ANKRD36C: variants seen among roughly 807,000 people sequenced by gnomAD.
The protein encoded by ANKRD36C is ankyrin repeat domain 36C, also known as ankyrin repeat domain-containing protein 36C.
ANKRD36C carries 61 observed loss-of-function variants against 276.4 expected under a neutral mutation model. The ratio of observed to expected loss-of-function variants is 0.22; its 90% CI spans 0.18 to 0.27. The LOEUF is 0.27. ANKRD36C is among the 10% of genes least tolerant of loss of function. The probability of loss-of-function intolerance (pLI) is 1.00; values close to 1 mark genes in which losing one functional copy is unlikely to be tolerated. For missense variants in ANKRD36C, 1,447 were observed against 2,032.3 expected (o/e 0.71, Z 5.54); for synonymous variants, 483 against 680.1 (o/e 0.71, Z 4.51).
intron 5 of ANKRD36C, among the ~76,000 whole-genome samples, chr2:95,979,918 C>T (rs1678882768): frequency 6.6e-6 from 1 of 151,908 alleles, no homozygotes; most frequent in African/African-American, 2.4e-5. Flanking sequence ...ATCCAGGTAA[C>T]AGAGCAAGGT....
intron 30 of ANKRD36C, 120 bp downstream of exon 30, chr2:95,925,232 A>G (rs955785904): frequency 8.8e-6 from 13 of 1,478,326 alleles, no homozygotes; most frequent in South Asian, 2.6e-5. Context: ...GAAATGCACA[A>G]TCTCAGGCCT....
At chr2:95,961,031 C>G (rs946718287) in intron 8 of ANKRD36C, among the ~76,000 whole-genome samples, 3 of 152,004 alleles carry the variant, frequency 2.0e-5, no homozygotes, top group Admixed American at 2.0e-4. Flanking sequence ...GATTAATGCT[C>G]CTGCATGTTT....
chr2:95,902,198 A>T (rs1465425421), intron 42 of ANKRD36C, among the ~76,000 whole-genome samples: 4 of 149,654 alleles, frequency 2.7e-5, no homozygotes, highest in Non-Finnish European at 6.0e-5. Flanking sequence ...TCAACAAAAC[A>T]TGTATCTCTG....
At chr2:95,987,322 C>T (rs1213842194) in intron 1 of ANKRD36C, 116 bp from the exon 2 acceptor site, 8 of 1,449,580 alleles carry the variant, frequency 5.5e-6, no homozygotes, top group East Asian at 5.0e-5. Context: ...CATTTGTTAG[C>T]GCTTATTACC....
intron 52 of ANKRD36C, among the ~76,000 whole-genome samples, chr2:95,885,149 C>G (rs1381852838): frequency 6.6e-6 from 1 of 151,832 alleles, no homozygotes. Flanking sequence ...ACAAATCACT[C>G]CAATATTCAT....
At chr2:95,923,862 A>C (rs1234323145) in intron 30 of ANKRD36C, among the ~76,000 whole-genome samples, 173 bp from the exon 31 acceptor site, 1 of 151,654 alleles carries the variant, frequency 6.6e-6, no homozygotes, top group Non-Finnish European at 1.5e-5. Flanking sequence ...AAAGAAATAC[A>C]GGTTTCACAA....
At chr2:95,889,500 A>G (rs1171621835) in intron 48 of ANKRD36C, among the ~76,000 whole-genome samples, 2 of 151,594 alleles carry the variant, frequency 1.3e-5, no homozygotes, top group South Asian at 2.1e-4. Context: ...CCTCTTGATG[A>G]AAACATGCTG....
At chr2:95,963,739 G>T (rs1248534176) in intron 6 of ANKRD36C, among the ~76,000 whole-genome samples, 1 of 107,720 alleles carries the variant, frequency 9.3e-6, no homozygotes, top group African/African-American at 3.7e-5. Context: ...CATTTTCTTT[G>T]TACTCATGAA....
At chr2:95,923,635 C>G (rs1324172563) in intron 31 of ANKRD36C, 26 bp downstream of exon 31, 8 of 1,609,370 alleles carry the variant, frequency 5.0e-6, no homozygotes. Context: ...GTTACTAATA[C>G]AAAATATAAA....
At chr2:95,883,279 T>C (rs894290705) in intron 54 of ANKRD36C, among the ~76,000 whole-genome samples, 4 of 152,140 alleles carry the variant, frequency 2.6e-5, no homozygotes, top group Non-Finnish European at 1.5e-5. Flanking sequence ...ATTTGGAAAT[T>C]ACTCCAATAT....
intron 19 of ANKRD36C, among the ~76,000 whole-genome samples, chr2:95,943,383 G>A (rs1677948992): frequency 6.6e-6 from 1 of 151,296 alleles, no homozygotes. Flanking sequence ...TACTCGCGAG[G>A]CTGAGGCAGG....
intron 34 of ANKRD36C, 103 bp downstream of exon 36, chr2:95,919,630 G>C: frequency 1.6e-6 from 1 of 606,966 alleles, no homozygotes; most frequent in Non-Finnish European, 2.0e-6. Context: ...AGAATGTGCA[G>C]CTTCGGCGAC....
chr2:95,982,671 T>C (rs1163552917), intron 3 of ANKRD36C, among the ~76,000 whole-genome samples: 1 of 98,116 alleles, frequency 1.0e-5, no homozygotes, highest in Non-Finnish European at 2.0e-5. Context: ...GTTTCCCACC[T>C]GAACCAAGAG....
intron 60 of ANKRD36C, 66 bp downstream of exon 80, chr2:95,867,374 T>C: frequency 1.6e-6 from 1 of 610,816 alleles, no homozygotes. Context: ...GGTACAGTGT[T>C]AAGCAATGTG....
intron 50 of ANKRD36C, among the ~76,000 whole-genome samples, chr2:95,887,480 A>AGG (rs1676226428): frequency 1.3e-5 from 2 of 151,418 alleles, no homozygotes; most frequent in Admixed American, 6.6e-5. Flanking sequence ...CCTTGGGAAA[A>AGG]ATCATTGCTA....
chr2:95,939,943 G>T (rs1311189453), intron 20 of ANKRD36C, among the ~76,000 whole-genome samples: 1 of 152,166 alleles, frequency 6.6e-6, no homozygotes, highest in African/African-American at 2.4e-5. Flanking sequence ...TAACTAATGA[G>T]TACTCAGATT....
intron 42 of ANKRD36C, among the ~76,000 whole-genome samples, chr2:95,902,075 G>A (rs1329887449): frequency 2.7e-5 from 4 of 148,342 alleles, no homozygotes; most frequent in Middle Eastern, 3.4e-3. Flanking sequence ...TGGGAGTATC[G>A]TGTTATTCTC....
At chr2:95,852,505 C>T (rs1675318407) in intron 64 of ANKRD36C, 1 of 264,792 alleles carries the variant, frequency 3.8e-6, no homozygotes, top group African/African-American at 2.3e-5. Context: ...TGGCCCTTTA[C>T]AGAAAAGTTC....
rs570551707 is a variant in ANKRD36C at position 95,886,620 on chromosome 2, T to C, written c.3062-376A>G. On this transcript the variant is annotated intron_variant, in intron 50 of 66. Coordinates refer to ENST00000456556, the Ensembl canonical transcript of ANKRD36C. ...GGTACATGCACCCGCATGACTTTCA[T>C]GCAAGATATCCGAATGATTAAACCA... Among the ~76,000 whole-genome samples the C allele has an allele frequency of 4.0e-5, 6 of 151,868 alleles. No homozygotes were observed. The South Asian group carries it at 1.2e-3, about 31-fold the overall frequency.
Sources: gnomAD v4.1 joint callset for allele counts (sites outside exome capture counted in the v4.1 genomes callset) on GRCh38, gnomAD v4.1.1 for gene constraint, MANE v1.5 for transcripts, NCBI Gene and HGNC (gene_info 2026-07-23, HGNC 2026-07-21) for gene names.